Variants in MAML2 observed in about 807,000 individuals in gnomAD.
The protein encoded by MAML2 is mastermind-like protein 2.
A neutral mutation model predicts 96.1 loss-of-function variants in MAML2; 22 were observed. The ratio of observed to expected loss-of-function variants is 0.23; its 90% CI spans 0.16 to 0.33. The LOEUF is 0.33. MAML2 is among the 10% of genes least tolerant of loss of function. MAML2 has a pLI of 1.00. For synonymous variants in MAML2, 561 were observed against 521.3 expected (o/e 1.08, Z -1.04); for missense variants, 1,367 against 1,392.4 (o/e 0.98, Z 0.29).
At chr11:96,220,383 C>T (rs1197016285) in intron 1 of MAML2, among the ~76,000 whole-genome samples, 1 of 152,086 alleles carries the variant, frequency 6.6e-6, no homozygotes, top group African/African-American at 2.4e-5. Context: ...GATTTGTTTC[C>T]CTAGTGGCAC....
intron 1 of MAML2, among the ~76,000 whole-genome samples, chr11:96,108,450 A>G (rs1860061984): frequency 6.6e-6 from 1 of 152,222 alleles, no homozygotes; most frequent in South Asian, 2.1e-4. Flanking sequence ...CACTTTCTAA[A>G]TATCATCTCA....
intron 1 of MAML2, among the ~76,000 whole-genome samples, chr11:96,111,332 T>C (rs1216598705): frequency 6.6e-6 from 1 of 152,238 alleles, no homozygotes; most frequent in Non-Finnish European, 1.5e-5. Flanking sequence ...CATTGACCTG[T>C]ACCTATTCCT....
chr11:96,220,863 G>A (rs1234325984), intron 1 of MAML2, among the ~76,000 whole-genome samples: 1 of 151,956 alleles, frequency 6.6e-6, no homozygotes, highest in Non-Finnish European at 1.5e-5. Flanking sequence ...CAAACTGAAA[G>A]GAGGATGCCT....
At chr11:96,235,868 G>A (rs533236437) in intron 1 of MAML2, among the ~76,000 whole-genome samples, 1 of 152,108 alleles carries the variant, frequency 6.6e-6, no homozygotes, top group Non-Finnish European at 1.5e-5. Flanking sequence ...AGAAAGCTGC[G>A]GGTTAGAGCT....
chr11:96,028,277 G>A (rs1280402708), intron 2 of MAML2, among the ~76,000 whole-genome samples: 2 of 152,182 alleles, frequency 1.3e-5, no homozygotes, highest in African/African-American at 4.8e-5. Flanking sequence ...TGCATGTGCT[G>A]TTCTCTCTGC....
At chr11:96,025,891 T>C (rs544884061) in intron 2 of MAML2, among the ~76,000 whole-genome samples, 8 of 152,340 alleles carry the variant, frequency 5.3e-5, no homozygotes, top group Non-Finnish European at 7.3e-5. Flanking sequence ...AAAAAGATTC[T>C]GTTATAGCCT....
chr11:96,320,644 A>T (rs915443101), intron 1 of MAML2, among the ~76,000 whole-genome samples: 6 of 152,210 alleles, frequency 3.9e-5, no homozygotes, highest in African/African-American at 1.4e-4. Flanking sequence ...ATAGTCTTCA[A>T]TTCATTATTA....
intron 1 of MAML2, among the ~76,000 whole-genome samples, chr11:96,097,112 A>G (rs1859842303): frequency 6.6e-6 from 1 of 152,220 alleles, no homozygotes; most frequent in African/African-American, 2.4e-5. Flanking sequence ...TTGCTTTGAA[A>G]TATCTCCTTT....
At chr11:96,005,517 C>A (rs1858165693) in intron 2 of MAML2, among the ~76,000 whole-genome samples, 1 of 151,920 alleles carries the variant, frequency 6.6e-6, no homozygotes, top group African/African-American at 2.4e-5. Context: ...CTCATTGAGT[C>A]AAAAATACAA....
intron 1 of MAML2, among the ~76,000 whole-genome samples, chr11:96,332,166 C>G (rs1052968177): frequency 6.6e-6 from 1 of 152,114 alleles, no homozygotes; most frequent in Non-Finnish European, 1.5e-5. Context: ...CAGCATTGTA[C>G]CAAGGATTAA....
intron 2 of MAML2, among the ~76,000 whole-genome samples, chr11:96,031,674 C>A (rs533030908): frequency 6.6e-6 from 1 of 152,274 alleles, no homozygotes; most frequent in South Asian, 2.1e-4. Context: ...ATTCCAGTTG[C>A]TTGATTTATA....
At chr11:96,035,258 C>T (rs987773083) in intron 2 of MAML2, among the ~76,000 whole-genome samples, 16 of 152,156 alleles carry the variant, frequency 1.1e-4, no homozygotes, top group East Asian at 9.6e-4. Flanking sequence ...AAAGAAACCA[C>T]GCTAGACTGG....
intron 1 of MAML2, among the ~76,000 whole-genome samples, chr11:96,106,893 C>T (rs1323821918): frequency 2.0e-5 from 3 of 151,322 alleles, no homozygotes; most frequent in South Asian, 4.2e-4. Context: ...AGATTGCTAG[C>T]TAGAGGATAA....
chr11:96,051,610 A>G (rs1179737133), intron 2 of MAML2, among the ~76,000 whole-genome samples: 1 of 152,134 alleles, frequency 6.6e-6, no homozygotes, highest in Non-Finnish European at 1.5e-5. Flanking sequence ...GTGATGTGCA[A>G]CTAAATAGAG....
At chr11:96,291,392 G>A (rs1863207892) in intron 1 of MAML2, among the ~76,000 whole-genome samples, 1 of 152,070 alleles carries the variant, frequency 6.6e-6, no homozygotes, top group African/African-American at 2.4e-5. Flanking sequence ...CTCTCAAAGT[G>A]CTGGGATTAC....
chr11:95,999,854 A>G (rs1565185520), intron 2 of MAML2, among the ~76,000 whole-genome samples: 1 of 152,074 alleles, frequency 6.6e-6, no homozygotes, highest in Non-Finnish European at 1.5e-5. Context: ...AGATCTCACA[A>G]ACTGGTTTGC....
chr11:95,979,954 G>A lies in MAML2; in HGVS notation c.2465C>T (p.Ser822Phe). 6.2e-7 allele frequency: 1 copy of A among 1,609,958 alleles called. No homozygotes were observed. The highest frequency in any genetic ancestry group is 8.5e-7 in the Non-Finnish European group (1 of 1,178,054). The change falls in exon 5 of 5, where the codon TCC becomes TTC. Residue 822 changes from serine (S) to phenylalanine (F), a missense_variant. Physicochemically the swap from Ser to Phe is radical, Grantham distance 155. Coordinates refer to ENST00000524717, the MANE Select transcript of MAML2 (RefSeq NM_032427.4). ...CTGGTTAGAGTTTAAGCTTATTGTG[G>A]ATGAGCCACCTGAGAAAAAGAAGAG... ...QPTAQYSGGS[S>F]TISLNSNQAL...
intron 1 of MAML2, among the ~76,000 whole-genome samples, chr11:96,311,906 A>G (rs1311139901): frequency 2.0e-5 from 3 of 152,332 alleles, no homozygotes; most frequent in Admixed American, 2.0e-4. Flanking sequence ...ATGTAACAAT[A>G]ATAAAGCTAT....
At chr11:96,110,714 A>G (rs1860104669) in intron 1 of MAML2, among the ~76,000 whole-genome samples, 1 of 152,170 alleles carries the variant, frequency 6.6e-6, no homozygotes, top group African/African-American at 2.4e-5. Context: ...TTAAGGAACA[A>G]CAAAAAAAAA....
Sources: gnomAD v4.1 joint callset for allele counts (sites outside exome capture counted in the v4.1 genomes callset) on GRCh38, gnomAD v4.1.1 for gene constraint, MANE v1.5 for transcripts, NCBI Gene and HGNC (gene_info 2026-07-23, HGNC 2026-07-21) for gene names.